TRIM14: variants seen among roughly 807,000 people sequenced by gnomAD.
TRIM14 encodes tripartite motif-containing protein 14.
A neutral mutation model predicts 44.5 loss-of-function variants in TRIM14; 28 were observed. That is an observed-to-expected ratio of 0.63 (90% CI 0.47 to 0.86). The LOEUF is 0.86. Among genes scored for constraint, TRIM14 ranks in the 40% least tolerant of loss-of-function variants. The pLI is 0.00. For missense variants in TRIM14, 607 were observed against 611.1 expected (o/e 0.99, Z 0.07); for synonymous variants, 299 against 269.2 (o/e 1.11, Z -1.08).
intron 1 of TRIM14, 21 bp downstream of exon 1, chr9:98,118,961 C>T (rs756063572): frequency 1.3e-6 from 2 of 1,504,414 alleles, no homozygotes; most frequent in Non-Finnish European, 1.8e-6. Flanking sequence ...GCGCGGCGAA[C>T]CCCGTCCCCA....
At chr9:98,061,769 AT>A in the TRIM14 span, among the ~76,000 whole-genome samples, 1 of 150,690 alleles carries the variant, frequency 6.6e-6, no homozygotes, top group Non-Finnish European at 1.5e-5. Context: ...ATAGAGCAAG[AT>A]TCCGTCTCAA....
chr9:98,090,215 A>T (rs1410401983), intron 5 of TRIM14, among the ~76,000 whole-genome samples: 1 of 152,212 alleles, frequency 6.6e-6, no homozygotes, highest in Non-Finnish European at 1.5e-5. Flanking sequence ...TTACACAAAA[A>T]CCCAAATAAT....
chr9:98,082,781 A>G, downstream of TRIM14: 1 of 1,488,812 alleles, frequency 6.7e-7, no homozygotes, highest in Non-Finnish European at 9.2e-7. Flanking sequence ...CCTTGAGTGT[A>G]AAGTAAAGTA....
intron 1 of TRIM14, 117 bp downstream of exon 1, chr9:98,118,865 G>A (rs1827144522): frequency 8.2e-7 from 1 of 1,218,524 alleles, no homozygotes; most frequent in Middle Eastern, 2.9e-4. Context: ...GGGCACCTTT[G>A]GTTTCCAGGT....
chr9:98,098,126 T>G (rs1204880582), intron 3 of TRIM14, among the ~76,000 whole-genome samples: 1 of 152,214 alleles, frequency 6.6e-6, no homozygotes, highest in African/African-American at 2.4e-5. Flanking sequence ...TTGGTGCCAC[T>G]TTTAGTTGTA....
chr9:98,047,228 C>T, the TRIM14 span, among the ~76,000 whole-genome samples: 1 of 152,280 alleles, frequency 6.6e-6, no homozygotes, highest in East Asian at 1.9e-4. Context: ...GGTTTTCATT[C>T]TCTCGTCTGC....
Position 98,087,573 on chromosome 9 carries a change from C to T in TRIM14, c.1226G>A (p.Gly409Asp). The change falls in exon 6 of 6, where the codon GGC becomes GAC. Residue 409 changes from glycine (G) to aspartate (D), a missense_variant. Gly to Asp is a moderately conservative substitution (Grantham distance 94). Around this residue, in one of 3 missense-constraint regions of TRIM14, gnomAD observed 356 missense variants for 323.0 expected, o/e 1.10. Transcript: ENST00000341469. ...GAAGGTATGCAGGTGGCTCATGCCG[C>T]CCGTCACGTCGTAGAAGGCGAGGAC... Reference protein sequence around the residue: ...AGVLAFYDVTGGMSHLHTFRA... With the variant: ...AGVLAFYDVTDGMSHLHTFRA... 6.3e-7 allele frequency: 1 copy of T among 1,597,250 alleles called. No individual in the cohort carries two copies. Among genetic ancestry groups the T allele is most frequent in the East Asian group, 2.3e-5 (1 of 44,284 alleles).
At chr9:98,089,175 CTTTATT>C (rs903012557) in intron 5 of TRIM14, among the ~76,000 whole-genome samples, 1 of 151,904 alleles carries the variant, frequency 6.6e-6, no homozygotes, top group African/African-American at 2.4e-5. Flanking sequence ...CTACTTAGCT[CTTTATT>C]TTTATTTTTT....
Position 98,087,904 on chromosome 9 carries a change from GC to G in TRIM14, c.894del (p.Val300CysfsTer108). On this transcript the variant is annotated frameshift_variant, in exon 6 of 6. Coordinates refer to ENST00000341469, the MANE Select transcript of TRIM14 (RefSeq NM_014788.4). LOFTEE classifies it high-confidence loss of function. ...GCGTCGAACCGCAGCACGGGCACGGGCCCCAGGCTGCCCAGCAGGCCGCAGC... is the reference window on the plus strand; with the variant it reads ...GCGTCGAACCGCAGCACGGGCACGGGCCCAGGCTGCCCAGCAGGCCGCAGC... ...TVRCGLLGSL[G>X]PVPVLRFDAL... 3 of 1,568,248 alleles carry G rather than the reference GC, an allele frequency of 1.9e-6. No homozygotes were observed. The highest frequency in any genetic ancestry group is 1.4e-5 in the African/African-American group (1 of 71,244).
intron 1 of TRIM14, chr9:98,115,849 G>A (rs1173710453): frequency 2.0e-5 from 3 of 152,064 alleles, no homozygotes; most frequent in African/African-American, 7.2e-5. Context: ...AGGAACTGAA[G>A]TCAAGTTTAC....
the TRIM14 span, chr9:98,056,733 C>G: frequency 6.5e-7 from 1 of 1,545,120 alleles, no homozygotes; most frequent in Non-Finnish European, 8.7e-7. Context: ...GCGTTGCTCA[C>G]AGAACAGAGT....
the TRIM14 span, among the ~76,000 whole-genome samples, chr9:98,036,226 G>GA: frequency 6.6e-6 from 1 of 150,986 alleles, no homozygotes; most frequent in Non-Finnish European, 1.5e-5. Flanking sequence ...AAAAGAAAAA[G>GA]AAAAAAAGAA....
chr9:98,049,070 G>A, the TRIM14 span, among the ~76,000 whole-genome samples: 11 of 151,614 alleles, frequency 7.3e-5, no homozygotes, highest in Non-Finnish European at 1.2e-4. Context: ...GGCCGGGAGC[G>A]GTGGCTCATG....
intron 4 of TRIM14, among the ~76,000 whole-genome samples, chr9:98,093,613 C>A (rs1335496089): frequency 6.6e-6 from 1 of 152,178 alleles, no homozygotes. Context: ...ACCCACAGAA[C>A]CTGCAGAATG....
chr9:98,118,981 C>A lies in TRIM14; in HGVS notation c.207+1G>T, dbSNP rs780129609. On this transcript the variant is annotated splice_donor_variant, in intron 1 of 5. Coordinates refer to ENST00000341469, the MANE Select transcript of TRIM14 (RefSeq NM_014788.4). LOFTEE classifies it high-confidence loss of function. The stretch of plus-strand genomic sequence containing the variant: ...GCGAACCCCGTCCCCATCGTCCCCA[C>A]CTGCACGTGCACCGCTGCCTCCAGC... 6.5e-7 allele frequency: 1 copy of A among 1,539,932 alleles called. No homozygotes were observed. Among genetic ancestry groups the A allele is most frequent in the Admixed American group, 1.9e-5 (1 of 53,048 alleles).
intron 1 of TRIM14, among the ~76,000 whole-genome samples, chr9:98,114,660 C>T (rs7033370): frequency 0.089 from 13,585 of 152,102 alleles, 1,818 homozygotes; most frequent in African/African-American, 0.29. Flanking sequence ...TAAAAAAAGT[C>T]GTTTATAATC....
the TRIM14 span, among the ~76,000 whole-genome samples, chr9:98,039,078 C>A: frequency 6.6e-6 from 1 of 151,892 alleles, no homozygotes; most frequent in Non-Finnish European, 1.5e-5. Flanking sequence ...ACCTGAGACA[C>A]TAAACACATG....
chr9:98,061,022 T>G, the TRIM14 span: 1 of 1,610,224 alleles, frequency 6.2e-7, no homozygotes, highest in Non-Finnish European at 8.5e-7. Flanking sequence ...GCTCTGTCAT[T>G]TGTCACTTTA....
intron 2 of TRIM14, among the ~76,000 whole-genome samples, chr9:98,108,484 G>A (rs1826708374): frequency 6.6e-6 from 1 of 152,092 alleles, no homozygotes; most frequent in Non-Finnish European, 1.5e-5. Flanking sequence ...GTGGCCTGGG[G>A]AAGACTAGAC....
Sources: allele counts gnomAD v4.1 joint callset (sites outside exome capture counted in the v4.1 genomes callset), GRCh38; gene constraint gnomAD v4.1.1; regional missense constraint gnomAD v4.1.1; transcripts MANE v1.5; gene names NCBI Gene and HGNC (gene_info 2026-07-23, HGNC 2026-07-21).